The following AKAP13 variants were observed in gnomAD, a reference collection of about 807,000 sequenced individuals.
AKAP13 encodes A-kinase anchor protein 13.
In AKAP13, 80 loss-of-function variants were observed where a neutral mutation model predicts 264.5. That is an observed-to-expected ratio of 0.30 (90% CI 0.25 to 0.36). The LOEUF (loss-of-function observed/expected upper bound fraction) is 0.36, where lower values mean the gene tolerates loss of function less well. AKAP13 is among the 10% of genes least tolerant of loss of function. The probability of loss-of-function intolerance (pLI) is 1.00; values close to 1 mark genes in which losing one functional copy is unlikely to be tolerated. For missense variants in AKAP13, 3,712 were observed against 3,435.2 expected, an observed-to-expected ratio of 1.08 and a Z score of -2.01; for synonymous variants, 1,380 against 1,250.2, an observed-to-expected ratio of 1.10 and a Z score of -2.19.
chr15:85,630,376 T>C lies in AKAP13; in HGVS notation c.4162-8998T>C, dbSNP rs192995772. 5.6e-4 allele frequency among the ~76,000 whole-genome samples: 85 copies of C among 152,196 alleles called. 3 individuals are homozygous for C. The East Asian group carries it at 0.013, about 23-fold the overall frequency. Reference sequence around the variant, plus strand: ...CGTAGCACGAAAATACTCTATGCAATGTGGTGTTCCATTCACTGTCATTCC... The same window carrying C: ...CGTAGCACGAAAATACTCTATGCAACGTGGTGTTCCATTCACTGTCATTCC... On this transcript the variant is annotated intron_variant, in intron 8 of 36. Transcript: ENST00000394518.
intron 8 of AKAP13, among the ~76,000 whole-genome samples, chr15:85,591,257 A>G (rs2079566599): frequency 1.3e-5 from 2 of 152,174 alleles, no homozygotes; most frequent in Admixed American, 1.3e-4. Context: ...CTGAAGAATC[A>G]TCTGAGGGTA....
At chr15:85,660,951 C>G (rs1378235093) in intron 12 of AKAP13, among the ~76,000 whole-genome samples, 1 of 152,144 alleles carries the variant, frequency 6.6e-6, no homozygotes, top group East Asian at 1.9e-4. Flanking sequence ...GACAACAAAA[C>G]AAAGTTATTA....
chr15:85,441,160 G>T (rs1428306847), intron 1 of AKAP13, among the ~76,000 whole-genome samples: 1 of 151,936 alleles, frequency 6.6e-6, no homozygotes, highest in Non-Finnish European at 1.5e-5. Flanking sequence ...ATATATGAGG[G>T]CTTCAGTTTT....
chr15:85,496,268 G>T (rs7164472), intron 2 of AKAP13, among the ~76,000 whole-genome samples: 1 of 152,074 alleles, frequency 6.6e-6, no homozygotes, highest in Non-Finnish European at 1.5e-5. Flanking sequence ...TTTAGATCTC[G>T]AGAAAAGCTT....
At chr15:85,409,505 G>C (rs2071839489) in intron 1 of AKAP13, among the ~76,000 whole-genome samples, 1 of 151,238 alleles carries the variant, frequency 6.6e-6, no homozygotes, top group South Asian at 2.1e-4. Flanking sequence ...ATTGGTTGTA[G>C]GAATTATTTA....
intron 8 of AKAP13, 32 bp downstream of exon 8, chr15:85,585,855 A>G (rs1272147812): frequency 9.9e-6 from 16 of 1,610,594 alleles, no homozygotes; most frequent in African/African-American, 1.3e-5. Context: ...ATAAGGGCAC[A>G]AAATGTGTTT....
chr15:85,492,237 C>A (rs1270614791), intron 2 of AKAP13, among the ~76,000 whole-genome samples: 1 of 152,182 alleles, frequency 6.6e-6, no homozygotes, highest in African/African-American at 2.4e-5. Context: ...AACTCCAAGG[C>A]CAAGCACAGT....
intron 4 of AKAP13, chr15:85,535,457 G>A (rs562294377): frequency 2.0e-5 from 3 of 152,188 alleles, no homozygotes; most frequent in Non-Finnish European, 2.9e-5. Flanking sequence ...TAAGTATAGT[G>A]TCCAAGAAAC....
Position 85,614,857 on chromosome 15 carries a change from T to C in AKAP13, c.4162-24517T>C, listed in dbSNP as rs183181561. ...AGGTTTTTATGAGGAATCAATGAAA[T>C]TGTACCTGTGGAAGCACCTGGCAAA... On this transcript the variant is annotated intron_variant, in intron 8 of 36. Coordinates refer to ENST00000394518, the MANE Select transcript of AKAP13 (RefSeq NM_007200.5). Among the ~76,000 whole-genome samples, 8 of 152,342 alleles carry C rather than the reference T, an allele frequency of 5.3e-5. No individual in the cohort carries two copies. The East Asian group carries it at 1.5e-3, about 29-fold the overall frequency.
chr15:85,638,667 TG>T (rs2082171922), intron 8 of AKAP13, among the ~76,000 whole-genome samples: 1 of 152,106 alleles, frequency 6.6e-6, no homozygotes, highest in Admixed American at 6.5e-5. Context: ...TTTTTTAATT[TG>T]TGGGGAAGGG....
intron 2 of AKAP13, among the ~76,000 whole-genome samples, chr15:85,490,390 T>C (rs1291008375): frequency 1.3e-5 from 2 of 152,220 alleles, no homozygotes; most frequent in African/African-American, 4.8e-5. Flanking sequence ...GGGTATCCTG[T>C]TCATAGGTGG....
intron 5 of AKAP13, among the ~76,000 whole-genome samples, chr15:85,573,947 C>G (rs1244405694): frequency 6.6e-6 from 1 of 152,158 alleles, no homozygotes; most frequent in African/African-American, 2.4e-5. Flanking sequence ...TGCACATTTT[C>G]TCTAATTCTC....
rs150613061 is a variant in AKAP13, at chr15:85,683,356, G to A, written c.5156+1144G>A. The stretch of plus-strand genomic sequence containing the variant: ...CACAGAGGCCCTAGAGGCAATCACT[G>A]CTGTTCTGTGGGAAATGTCTAAAAT... On this transcript the variant is annotated intron_variant, in intron 15 of 36. Transcript: ENST00000394518. 1.5e-4 allele frequency among the ~76,000 whole-genome samples: 23 copies of A among 152,320 alleles called. No individual in the cohort carries two copies. The East Asian group carries it at 4.1e-3, about 27-fold the overall frequency.
intron 5 of AKAP13, among the ~76,000 whole-genome samples, chr15:85,561,930 G>A (rs919237799): frequency 6.6e-6 from 1 of 152,102 alleles, no homozygotes; most frequent in African/African-American, 2.4e-5. Flanking sequence ...TTTTAGTTTC[G>A]TCTGTCTGCA....
chr15:85,687,526 G>A (rs771840234), intron 16 of AKAP13, among the ~76,000 whole-genome samples: 6 of 152,004 alleles, frequency 3.9e-5, no homozygotes, highest in Non-Finnish European at 7.4e-5. Flanking sequence ...TTTCAGACTT[G>A]GCTTCAAGAT....
chr15:85,575,062 AC>A, intron 5 of AKAP13, 68 bp from the exon 6 acceptor site: 1 of 1,473,748 alleles, frequency 6.8e-7, no homozygotes, highest in Non-Finnish European at 9.4e-7. Context: ...ACGAAGTAAG[AC>A]TTAGAACGTT....
chr15:85,489,616 CA>C (rs1215424679), intron 2 of AKAP13, among the ~76,000 whole-genome samples: 2 of 152,092 alleles, frequency 1.3e-5, no homozygotes, highest in African/African-American at 2.4e-5. Context: ...TGGGATCTGC[CA>C]GGGGTGAGTA....
chr15:85,437,717 A>C (rs1239954160), intron 1 of AKAP13, among the ~76,000 whole-genome samples: 1 of 152,208 alleles, frequency 6.6e-6, no homozygotes, highest in Non-Finnish European at 1.5e-5. Context: ...AAAGACAAAA[A>C]CCACATGGTT....
chr15:85,553,354 C>A (rs1331128733), intron 5 of AKAP13, among the ~76,000 whole-genome samples: 1 of 152,158 alleles, frequency 6.6e-6, no homozygotes, highest in Non-Finnish European at 1.5e-5. Context: ...TCCCAAAGTG[C>A]TGGGATTACA....
Sources: allele counts gnomAD v4.1 joint callset (sites outside exome capture counted in the v4.1 genomes callset), GRCh38; gene constraint gnomAD v4.1.1; transcripts MANE v1.5; gene names NCBI Gene and HGNC (gene_info 2026-07-23, HGNC 2026-07-21).